The following SCAPER variants were observed in gnomAD, a reference collection of about 807,000 sequenced individuals.
SCAPER encodes the protein S-phase cyclin A associated protein in the ER, also known as S phase cyclin A-associated protein in the endoplasmic reticulum.
In SCAPER, 98 loss-of-function variants were observed where a neutral mutation model predicts 182.2. The ratio of observed to expected loss-of-function variants is 0.54; its 90% CI spans 0.46 to 0.64. SCAPER has a LOEUF of 0.64. Ranked by LOEUF, SCAPER falls within the 30% of genes least tolerant of loss-of-function variation. The probability of loss-of-function intolerance (pLI) is 0.00; values close to 1 mark genes in which losing one functional copy is unlikely to be tolerated. For synonymous variants in SCAPER, 605 were observed against 564.6 expected (o/e 1.07, Z -1.01); for missense variants, 1,432 against 1,690.0 (o/e 0.85, Z 2.68).
chr15:76,495,955 A>G (rs1211683254), intron 24 of SCAPER, among the ~76,000 whole-genome samples: 1 of 150,456 alleles, frequency 6.6e-6, no homozygotes, highest in Non-Finnish European at 1.5e-5. Flanking sequence ...TGCTACCAGG[A>G]TTTGAGAGGG....
intron 5 of SCAPER, among the ~76,000 whole-genome samples, chr15:76,816,159 C>G (rs1411117005): frequency 6.6e-6 from 1 of 152,150 alleles, no homozygotes; most frequent in Non-Finnish European, 1.5e-5. Flanking sequence ...CATATTTAGA[C>G]TACACAAAAT....
chr15:76,373,177 A>G (rs1327366228), intron 29 of SCAPER, among the ~76,000 whole-genome samples: 1 of 151,594 alleles, frequency 6.6e-6, no homozygotes, highest in Non-Finnish European at 1.5e-5. Context: ...CCTCCTGAGT[A>G]GCTGGGATTT....
chr15:76,878,702 A>G (rs2073344321), intron 2 of SCAPER, among the ~76,000 whole-genome samples: 1 of 152,094 alleles, frequency 6.6e-6, no homozygotes, highest in Non-Finnish European at 1.5e-5. Flanking sequence ...CCAAGGCAGG[A>G]GGATTATTTG....
At chr15:76,552,392 C>T (rs928539350) in intron 23 of SCAPER, among the ~76,000 whole-genome samples, 1 of 152,102 alleles carries the variant, frequency 6.6e-6, no homozygotes, top group Non-Finnish European at 1.5e-5. Context: ...ACACTCTGAG[C>T]AGATCATCGG....
chr15:76,846,683 C>T (rs1002415063), intron 4 of SCAPER, among the ~76,000 whole-genome samples: 3 of 151,944 alleles, frequency 2.0e-5, no homozygotes, highest in Non-Finnish European at 4.4e-5. Context: ...TGGTTTTTAT[C>T]TAAAACACAG....
At chr15:76,733,526 A>T (rs2061053266) in intron 15 of SCAPER, 142 bp from the exon 16 acceptor site, 1 of 933,802 alleles carries the variant, frequency 1.1e-6, no homozygotes, top group African/African-American at 1.7e-5. Flanking sequence ...AGGAAGGCGG[A>T]TCACCTGAAG....
intron 24 of SCAPER, among the ~76,000 whole-genome samples, chr15:76,496,351 T>G (rs967392815): frequency 2.6e-5 from 4 of 152,100 alleles, no homozygotes; most frequent in African/African-American, 7.2e-5. Context: ...GGTTTCAAAT[T>G]AAGTGCTCAT....
chr15:76,775,062 A>G lies in SCAPER; in HGVS notation c.828T>C (p.Ser276=), dbSNP rs1204504938. 4 of 1,613,686 alleles carry G rather than the reference A, an allele frequency of 2.5e-6. No homozygotes were observed. Among genetic ancestry groups the G allele is most frequent in the Non-Finnish European group, 3.4e-6 (4 of 1,179,774 alleles). ...CTTTTGGCATCACTGCTGTTGATCG[A>G]GAACGAATAGGCCTTCCTCTCTGAA... The part of the protein sequence containing the change: ...ETVQRGRPIR[S]RSTAVMPKVS... The change falls in exon 9 of 32, where the codon TCT becomes TCC. Residue 276 remains serine, a synonymous_variant. Coordinates refer to ENST00000563290, the MANE Select transcript of SCAPER (RefSeq NM_020843.4).
chr15:76,804,564 C>A lies in SCAPER; in HGVS notation c.463G>T (p.Glu155Ter). 1 of 1,611,490 alleles carries A rather than the reference C, an allele frequency of 6.2e-7. No homozygotes were observed. Among genetic ancestry groups the A allele is most frequent in the Non-Finnish European group, 8.5e-7 (1 of 1,179,128 alleles). ...KALIDWIQLQ[E>*]KLEKTDAQSR... ...TGAGCATCTGTCTTCTCTAGCTTTTCCTGAAGCTGAATCCAGTCAATCAAT... is the reference window on the plus strand; with the variant it reads ...TGAGCATCTGTCTTCTCTAGCTTTTACTGAAGCTGAATCCAGTCAATCAAT... The change falls in exon 6 of 32, where the codon GAA becomes TAA. Residue 155 changes from glutamate to a stop codon, truncating the protein, a stop_gained. Transcript: ENST00000563290. LOFTEE classifies it high-confidence loss of function.
chr15:76,857,763 A>T, intron 4 of SCAPER, 46 bp downstream of exon 4: 2 of 1,130,204 alleles, frequency 1.8e-6, no homozygotes, highest in Non-Finnish European at 2.5e-6. Flanking sequence ...TACATTCAGA[A>T]ATTGAAATTA....
At chr15:76,379,526 T>TG in intron 28 of SCAPER, among the ~76,000 whole-genome samples, 1 of 152,178 alleles carries the variant, frequency 6.6e-6, no homozygotes, top group Non-Finnish European at 1.5e-5. Context: ...TGAACCCTCT[T>TG]GAACCACTCT....
intron 11 of SCAPER, among the ~76,000 whole-genome samples, chr15:76,766,239 G>C (rs1174724140): frequency 6.6e-6 from 1 of 152,096 alleles, no homozygotes; most frequent in Non-Finnish European, 1.5e-5. Context: ...TGGGACTACA[G>C]GCACCTGCCA....
intron 22 of SCAPER, among the ~76,000 whole-genome samples, chr15:76,581,383 G>C (rs2048259552): frequency 2.6e-5 from 4 of 152,094 alleles, no homozygotes; most frequent in Admixed American, 2.6e-4. Context: ...CAATATCCCT[G>C]ATGAACACTG....
chr15:76,420,890 AAT>A (rs1205570197), intron 26 of SCAPER, among the ~76,000 whole-genome samples: 9 of 152,028 alleles, frequency 5.9e-5, no homozygotes, highest in Non-Finnish European at 1.0e-4. Flanking sequence ...TTGTCTTTGC[AAT>A]AGTTTGCTGA....
At position 76,733,396 on chromosome 15, in the gene SCAPER, CA is replaced by C; in HGVS notation, c.1867-13del. The stretch of plus-strand genomic sequence containing the variant: ...GCAATTTCATTTACCTTTAAAAAAA[CA>C]AAGAAGGTAAGGTTCAGATCAAGTT... On this transcript the variant is annotated splice_polypyrimidine_tract_variant and intron_variant, in intron 15 of 31. Transcript: ENST00000563290. The C allele has an allele frequency of 6.2e-7, 1 of 1,608,746 alleles. No homozygotes were observed.
intron 8 of SCAPER, among the ~76,000 whole-genome samples, chr15:76,782,374 C>A (rs2064218446): frequency 6.6e-6 from 1 of 152,174 alleles, no homozygotes; most frequent in African/African-American, 2.4e-5. Context: ...CACTCAGATT[C>A]ATAAAGCAAG....
intron 23 of SCAPER, among the ~76,000 whole-genome samples, chr15:76,547,716 T>C (rs1750296880): frequency 6.6e-6 from 1 of 151,390 alleles, no homozygotes; most frequent in Non-Finnish European, 1.5e-5. Context: ...GATTGATTGA[T>C]GAGACGGGTC....
rs1355231218 is a variant in SCAPER, at chr15:76,594,770, T to C, written c.2712-20486A>G. ...AGAAATAAAATCCTTTACAGACAAG[T>C]AAATGCTGAGCGATTTTGTCACCAC... On this transcript the variant is annotated intron_variant, in intron 22 of 31. Coordinates refer to ENST00000563290, the MANE Select transcript of SCAPER (RefSeq NM_020843.4). Among the ~76,000 whole-genome samples the C allele has an allele frequency of 3.3e-5, 4 of 120,888 alleles. 1 individual carries two copies. Among genetic ancestry groups the C allele is most frequent in the Non-Finnish European group, 8.0e-5 (4 of 49,850 alleles). The allele number at this position is 120,888 out of a possible 152,430, so 79.3% of individuals were successfully genotyped here. A position where few individuals can be genotyped will look rare whatever the true frequency, so the allele number is the denominator to read the frequency against.
intron 26 of SCAPER, among the ~76,000 whole-genome samples, chr15:76,405,905 T>C (rs763173001): frequency 6.6e-6 from 1 of 152,158 alleles, no homozygotes; most frequent in Non-Finnish European, 1.5e-5. Context: ...TGATGAATAA[T>C]TCATGTCTGG....
Sources: allele counts gnomAD v4.1 joint callset (sites outside exome capture counted in the v4.1 genomes callset), GRCh38; gene constraint gnomAD v4.1.1; transcripts MANE v1.5; gene names NCBI Gene and HGNC (gene_info 2026-07-23, HGNC 2026-07-21).